Variants in KLHL5 observed in about 807,000 individuals in gnomAD.
KLHL5 encodes kelch like family member 5, also known as kelch-like protein 5.
KLHL5 carries 48 observed loss-of-function variants against 77.7 expected under a neutral mutation model. That is an observed-to-expected ratio of 0.62 (90% CI 0.49 to 0.79). The LOEUF is 0.79. KLHL5 is among the 30% of genes least tolerant of loss of function. KLHL5 has a pLI of 0.00. For synonymous variants in KLHL5, 260 were observed against 297.0 expected, an observed-to-expected ratio of 0.88 and a Z score of 1.28; for missense variants, 723 against 859.7, an observed-to-expected ratio of 0.84 and a Z score of 1.99.
At chr4:39,090,958 A>G (rs920403875) in intron 5 of KLHL5, among the ~76,000 whole-genome samples, 13 of 148,112 alleles carry the variant, frequency 8.8e-5, no homozygotes, top group Middle Eastern at 3.6e-3. Context: ...ACACACCACC[A>G]ACACCACCAT....
At chr4:39,085,341 AGTACCTCACTCAG>A (rs1326861602) in intron 4 of KLHL5, among the ~76,000 whole-genome samples, 2 of 152,196 alleles carry the variant, frequency 1.3e-5, no homozygotes, top group Non-Finnish European at 2.9e-5. Context: ...ATTTTAGATT[AGTACCTCACTCAG>A]GTTACCACAG....
intron 4 of KLHL5, among the ~76,000 whole-genome samples, chr4:39,082,822 G>T (rs1719734314): frequency 6.6e-6 from 1 of 152,080 alleles, no homozygotes; most frequent in Non-Finnish European, 1.5e-5. Flanking sequence ...GAAAATAAGG[G>T]CATGTTGAGA....
chr4:39,047,016 TTACTA>T (rs541533590), intron 1 of KLHL5, among the ~76,000 whole-genome samples: 178 of 152,372 alleles, frequency 1.2e-3, no homozygotes, highest in Non-Finnish European at 1.6e-3. Context: ...TCTTGGAGAT[TTACTA>T]TACTAATGTT....
chr4:39,069,173 G>A (rs189985853), intron 1 of KLHL5, among the ~76,000 whole-genome samples: 6 of 152,176 alleles, frequency 3.9e-5, no homozygotes, highest in African/African-American at 1.4e-4. Context: ...AAAACATTAA[G>A]CAAGCGACAC....
Position 39,124,819 on chromosome 4 carries a change from A to AAAAAAAAAAAAAAC in KLHL5, c.*3760_*3761insAAAAAACAAAAAAA, listed in dbSNP as rs1723431871. On this transcript the variant is annotated 3_prime_UTR_variant, in exon 11 of 11. Coordinates refer to ENST00000504108, the MANE Select transcript of KLHL5 (RefSeq NM_015990.5). ...AACAACAGCAAAAAAAAAAAAAAAA[A>AAAAAAAAAAAAAAC]AAAAAAATCAAAATTAAAAGCTTCT... Among the ~76,000 whole-genome samples the AAAAAAAAAAAAAAC allele has an allele frequency of 6.6e-6, 1 of 150,530 alleles. No homozygotes were observed. The highest frequency in any genetic ancestry group is 1.5e-5 in the Non-Finnish European group (1 of 67,594).
exon 1 of KLHL5, chr4:39,045,047 T>A (rs1716048537): frequency 1.0e-6 from 1 of 990,206 alleles, no homozygotes; most frequent in Admixed American, 6.2e-5. Flanking sequence ...TCCTCCCGCC[T>A]GGCCGCCCCG....
the KLHL5 span, among the ~76,000 whole-genome samples, chr4:39,136,106 T>G: frequency 8.5e-3 from 1,284 of 151,790 alleles, 131 homozygotes; most frequent in East Asian, 0.21. Context: ...ACTCAAAACA[T>G]AGATAGTACT....
intron 1 of KLHL5, among the ~76,000 whole-genome samples, chr4:39,045,384 G>T (rs1166869360): frequency 6.6e-6 from 1 of 151,844 alleles, no homozygotes; most frequent in Non-Finnish European, 1.5e-5. Flanking sequence ...GTGGAAAGTT[G>T]TGGACGCGGT....
intron 5 of KLHL5, among the ~76,000 whole-genome samples, chr4:39,089,310 G>A (rs1163263594): frequency 2.0e-5 from 3 of 152,096 alleles, no homozygotes; most frequent in Admixed American, 6.6e-5. Flanking sequence ...AAAAGGTGCC[G>A]GCAATTGAAA....
chr4:39,072,570 G>A (rs1168396879), intron 1 of KLHL5, among the ~76,000 whole-genome samples: 2 of 152,062 alleles, frequency 1.3e-5, no homozygotes, highest in African/African-American at 4.8e-5. Flanking sequence ...CTTGAAATAC[G>A]ACTAGTGCAA....
the KLHL5 span, among the ~76,000 whole-genome samples, chr4:39,140,559 T>TA: frequency 1.2e-4 from 18 of 152,210 alleles, 1 homozygote; most frequent in South Asian, 3.5e-3. Context: ...GGTTAAATAG[T>TA]AAAAAAACAA....
chr4:39,114,139 A>G (rs1331671222), intron 9 of KLHL5, among the ~76,000 whole-genome samples: 1 of 152,190 alleles, frequency 6.6e-6, no homozygotes, highest in Admixed American at 6.5e-5. Context: ...TTGCTATAAC[A>G]GAATATCCAG....
intron 1 of KLHL5, among the ~76,000 whole-genome samples, chr4:39,054,448 C>T (rs1205824370): frequency 2.0e-5 from 3 of 152,066 alleles, no homozygotes; most frequent in African/African-American, 2.4e-5. Context: ...AACAAAATGC[C>T]CCAGTCAGTG....
chr4:39,080,308 C>T (rs1719492394), intron 2 of KLHL5, among the ~76,000 whole-genome samples: 2 of 152,068 alleles, frequency 1.3e-5, no homozygotes. Context: ...GGGCTGATTA[C>T]TTAAGGCCAG....
chr4:39,052,781 T>C (rs1716745548), intron 1 of KLHL5, among the ~76,000 whole-genome samples: 1 of 152,198 alleles, frequency 6.6e-6, no homozygotes, highest in African/African-American at 2.4e-5. Context: ...TTAGAATTGA[T>C]GGCCTGGTTT....
chr4:39,059,560 A>G (rs1002316790), upstream of KLHL5, among the ~76,000 whole-genome samples: 1 of 152,162 alleles, frequency 6.6e-6, no homozygotes, highest in Admixed American at 6.5e-5. Context: ...TAGCCTGGCC[A>G]ATATGGTGAA....
At position 39,107,710 on chromosome 4, in the gene KLHL5, G is replaced by T; in HGVS notation, c.1667G>T (p.Gly556Val). 2 of 1,606,366 alleles carry T rather than the reference G, an allele frequency of 1.2e-6. No individual in the cohort carries two copies. Among genetic ancestry groups the T allele is most frequent in the Non-Finnish European group, 1.7e-6 (2 of 1,174,802 alleles). Residue 556 changes from glycine (G) to valine (V), a missense_variant, in exon 8 of 11, where the codon GGT becomes GTT. Physicochemically the swap from Gly to Val is moderately radical, Grantham distance 109 (BLOSUM62 -3). Around this residue, in one of 3 missense-constraint regions of KLHL5, gnomAD observed 214 missense variants for 237.4 expected, o/e 0.90. Transcript: ENST00000504108. Reference protein sequence around the residue: ...ATMSTPRSTVGVAVLSGKLYA... With the variant: ...ATMSTPRSTVVVAVLSGKLYA... The stretch of plus-strand genomic sequence containing the variant: ...ATGTCTACCCCTAGGAGTACAGTAG[G>T]TGTGGCAGTACTAAGTGGAAAGTAA...
chr4:39,068,873 C>T (rs1718146079), intron 1 of KLHL5, among the ~76,000 whole-genome samples: 1 of 152,160 alleles, frequency 6.6e-6, no homozygotes, highest in Non-Finnish European at 1.5e-5. Flanking sequence ...ATAACTTGCT[C>T]ATTTAACTTT....
At chr4:39,048,789 G>A (rs183373214) in intron 1 of KLHL5, among the ~76,000 whole-genome samples, 353 of 151,798 alleles carry the variant, frequency 2.3e-3, no homozygotes, top group Non-Finnish European at 3.5e-3. Context: ...GATTACAGGC[G>A]CCCACCACCA....
Sources: allele counts gnomAD v4.1 joint callset (sites outside exome capture counted in the v4.1 genomes callset), GRCh38; gene constraint gnomAD v4.1.1; regional missense constraint gnomAD v4.1.1; transcripts MANE v1.5; gene names NCBI Gene and HGNC (gene_info 2026-07-23, HGNC 2026-07-21).